The following PLCB4 variants were observed in gnomAD, a reference collection of about 807,000 sequenced individuals.
PLCB4 encodes the protein 1-phosphatidylinositol 4,5-bisphosphate phosphodiesterase beta-4.
Under a neutral mutation model 178.8 loss-of-function variants are expected in PLCB4, and 77 were observed. The ratio of observed to expected loss-of-function variants is 0.43; its 90% confidence interval spans 0.36 to 0.52. The LOEUF (loss-of-function observed/expected upper bound fraction) is 0.52. Ranked by LOEUF, PLCB4 falls within the 20% of genes least tolerant of loss-of-function variation. The pLI is 0.00. For synonymous variants in PLCB4, 496 were observed against 490.8 expected (o/e 1.01, Z -0.14); for missense variants, 1,024 against 1,453.4 (o/e 0.70, Z 4.80).
intron 2 of PLCB4, among the ~76,000 whole-genome samples, chr20:9,160,751 A>G (rs968380084): frequency 2.0e-5 from 3 of 152,184 alleles, no homozygotes; most frequent in Non-Finnish European, 2.9e-5. Context: ...CTGCAAGGGC[A>G]TAGAAAAGGG....
intron 3 of PLCB4, among the ~76,000 whole-genome samples, chr20:9,233,277 G>A (rs2093954045): frequency 6.6e-6 from 1 of 151,826 alleles, no homozygotes; most frequent in African/African-American, 2.4e-5. Context: ...TCACTTTTTT[G>A]TAATTTTTTT....
chr20:9,120,380 G>A (rs1344755119), intron 2 of PLCB4, among the ~76,000 whole-genome samples: 1 of 151,962 alleles, frequency 6.6e-6, no homozygotes, highest in Admixed American at 6.6e-5. Context: ...ACCCACCTTG[G>A]CCTCCCAAAA....
At chr20:9,216,380 G>C (rs1376551529) in intron 2 of PLCB4, among the ~76,000 whole-genome samples, 1 of 152,024 alleles carries the variant, frequency 6.6e-6, no homozygotes, top group African/African-American at 2.4e-5. Context: ...ACCATGCCCG[G>C]CTAATTTTTT....
intron 3 of PLCB4, among the ~76,000 whole-genome samples, chr20:9,277,700 T>A (rs1398122020): frequency 6.6e-6 from 1 of 151,810 alleles, no homozygotes; most frequent in Non-Finnish European, 1.5e-5. Context: ...TAGAGCTCAG[T>A]CACTGGAAGG....
At chr20:9,134,808 C>G (rs187873265) in intron 2 of PLCB4, among the ~76,000 whole-genome samples, 4 of 152,242 alleles carry the variant, frequency 2.6e-5, no homozygotes, top group Non-Finnish European at 5.9e-5. Flanking sequence ...TTATTCTACT[C>G]ATCTTCCCTA....
At chr20:9,073,454 G>A (rs1400012879) in intron 1 of PLCB4, among the ~76,000 whole-genome samples, 2 of 152,132 alleles carry the variant, frequency 1.3e-5, no homozygotes, top group Non-Finnish European at 2.9e-5. Context: ...GCTACTACTA[G>A]ATCTTGGCAT....
chr20:9,073,431 G>A (rs1390648934), intron 1 of PLCB4, among the ~76,000 whole-genome samples: 1 of 152,022 alleles, frequency 6.6e-6, no homozygotes, highest in African/African-American at 2.4e-5. Context: ...TGACAATTGG[G>A]GCAGGTGTTA....
At chr20:9,402,899 C>T (rs907846857) in intron 20 of PLCB4, among the ~76,000 whole-genome samples, 1 of 152,118 alleles carries the variant, frequency 6.6e-6, no homozygotes, top group African/African-American at 2.4e-5. Context: ...GTGAAGTATT[C>T]AAGGGGAGGT....
chr20:9,090,283 A>G (rs994688777), intron 1 of PLCB4, among the ~76,000 whole-genome samples: 2 of 151,214 alleles, frequency 1.3e-5, no homozygotes, highest in African/African-American at 2.4e-5. Flanking sequence ...GAAATGATGC[A>G]TTACTGAAGA....
intron 3 of PLCB4, among the ~76,000 whole-genome samples, chr20:9,281,878 T>C (rs951829250): frequency 3.9e-4 from 59 of 152,094 alleles, no homozygotes; most frequent in African/African-American, 1.4e-3. Flanking sequence ...ATCAACTTAC[T>C]AATAATATCA....
At chr20:9,097,093 C>T (rs1403566425) in intron 2 of PLCB4, among the ~76,000 whole-genome samples, 2 of 151,922 alleles carry the variant, frequency 1.3e-5, no homozygotes, top group African/African-American at 4.8e-5. Context: ...CGCCACCACA[C>T]CCAGCTAATT....
intron 2 of PLCB4, among the ~76,000 whole-genome samples, chr20:9,109,355 A>C (rs1169033315): frequency 1.3e-5 from 2 of 152,208 alleles, no homozygotes. Context: ...ATAAAACTTT[A>C]AAATAGAATT....
intron 24 of PLCB4, among the ~76,000 whole-genome samples, chr20:9,410,818 A>T (rs1195316512): frequency 1.3e-5 from 2 of 152,194 alleles, no homozygotes; most frequent in Admixed American, 1.3e-4. Context: ...CTTTAGCATG[A>T]TCTTTATGAA....
chr20:9,453,629 C>T (rs1418993427), intron 33 of PLCB4, among the ~76,000 whole-genome samples, 167 bp downstream of exon 33: 3 of 152,148 alleles, frequency 2.0e-5, no homozygotes, highest in Non-Finnish European at 4.4e-5. Flanking sequence ...AATGCTCTAA[C>T]ATCATAACAG....
chr20:9,106,984 A>G (rs1213931128), intron 2 of PLCB4, among the ~76,000 whole-genome samples: 12 of 152,170 alleles, frequency 7.9e-5, no homozygotes, highest in Admixed American at 4.6e-4. Flanking sequence ...GCAAATGTAT[A>G]TTCATTTTTC....
intron 2 of PLCB4, among the ~76,000 whole-genome samples, chr20:9,113,225 A>T (rs1331080566): frequency 6.6e-6 from 1 of 152,186 alleles, no homozygotes; most frequent in Non-Finnish European, 1.5e-5. Context: ...ATAAAAATTA[A>T]AATGCTTGAA....
intron 3 of PLCB4, among the ~76,000 whole-genome samples, chr20:9,225,092 C>T (rs192211297): frequency 2.6e-5 from 4 of 151,910 alleles, no homozygotes; most frequent in African/African-American, 4.8e-5. Flanking sequence ...ATGGATAGAC[C>T]GATGAATGAA....
intron 3 of PLCB4, among the ~76,000 whole-genome samples, chr20:9,244,565 G>C (rs902585086): frequency 1.3e-5 from 2 of 152,190 alleles, no homozygotes; most frequent in Non-Finnish European, 2.9e-5. Context: ...TTCTGTCTAC[G>C]TGTGATTGAA....
intron 2 of PLCB4, among the ~76,000 whole-genome samples, chr20:9,144,848 C>T (rs950066740): frequency 1.3e-5 from 2 of 151,980 alleles, no homozygotes; most frequent in Non-Finnish European, 2.9e-5. Context: ...AGGCCATACA[C>T]ATACGCAGCC....
Sources: allele counts gnomAD v4.1 joint callset (sites outside exome capture counted in the v4.1 genomes callset), GRCh38; gene constraint gnomAD v4.1.1; transcripts MANE v1.5; gene names NCBI Gene and HGNC (gene_info 2026-07-23, HGNC 2026-07-21).